Variants in NBAS observed in about 807,000 individuals in gnomAD.
The protein encoded by NBAS is NBAS subunit of NRZ tethering complex.
NBAS carries 219 observed loss-of-function variants against 302.5 expected under a neutral mutation model. That is an observed-to-expected ratio of 0.72 (90% confidence interval 0.65 to 0.81). NBAS has a LOEUF of 0.81. Among genes scored for constraint, NBAS ranks in the 30% least tolerant of loss-of-function variants. The pLI is 0.00. For missense variants in NBAS, 2,932 were observed against 2,841.6 expected (o/e 1.03, Z -0.72); for synonymous variants, 1,118 against 1,021.6 (o/e 1.09, Z -1.80).
downstream of NBAS, among the ~76,000 whole-genome samples, chr2:15,165,951 T>C (rs949539673): frequency 6.6e-6 from 1 of 152,198 alleles, no homozygotes; most frequent in African/African-American, 2.4e-5. Context: ...CACGCCTTAG[T>C]GTAGATGGAT....
At chr2:15,357,356 G>C (rs767790411) in intron 32 of NBAS, among the ~76,000 whole-genome samples, 2 of 152,180 alleles carry the variant, frequency 1.3e-5, no homozygotes, top group Non-Finnish European at 2.9e-5. Flanking sequence ...GAAGAGCCCT[G>C]AACTACTGTG....
chr2:15,317,917 G>A (rs937727982), intron 38 of NBAS, among the ~76,000 whole-genome samples: 11 of 152,052 alleles, frequency 7.2e-5, no homozygotes, highest in East Asian at 1.9e-4. Context: ...GAGATTCCTC[G>A]AGAAGAGCAA....
the NBAS span, among the ~76,000 whole-genome samples, chr2:14,829,248 A>G: frequency 6.6e-6 from 1 of 152,058 alleles, no homozygotes; most frequent in East Asian, 1.9e-4. Flanking sequence ...GTGCTTCATG[A>G]CTGCTTTGAA....
intron 23 of NBAS, among the ~76,000 whole-genome samples, chr2:15,423,473 TTTTA>T (rs1383991900): frequency 6.6e-6 from 1 of 152,200 alleles, no homozygotes; most frequent in African/African-American, 2.4e-5. Flanking sequence ...TAGAAATTCA[TTTTA>T]TTTATTTATT....
At chr2:14,803,391 T>C in the NBAS span, among the ~76,000 whole-genome samples, 1 of 152,206 alleles carries the variant, frequency 6.6e-6, no homozygotes. Context: ...TGTGCAGCTC[T>C]ATTTTCTGTG....
chr2:15,438,430 G>T (rs1350886020), intron 21 of NBAS, among the ~76,000 whole-genome samples: 1 of 152,164 alleles, frequency 6.6e-6, no homozygotes, highest in African/African-American at 2.4e-5. Flanking sequence ...CACTAAAAGA[G>T]AACTTCTGCT....
chr2:15,096,328 T>A, the NBAS span, among the ~76,000 whole-genome samples: 16 of 152,176 alleles, frequency 1.1e-4, no homozygotes, highest in Non-Finnish European at 1.6e-4. Flanking sequence ...GGTAATTAAT[T>A]GCTCTTCCTG....
chr2:15,274,054 T>C (rs1415478639), intron 44 of NBAS, among the ~76,000 whole-genome samples: 1 of 151,780 alleles, frequency 6.6e-6, no homozygotes, highest in African/African-American at 2.4e-5. Flanking sequence ...CACTCCAGCC[T>C]GGGGGACAGA....
the NBAS span, among the ~76,000 whole-genome samples, chr2:15,125,533 T>G: frequency 4.6e-5 from 7 of 152,132 alleles, no homozygotes; most frequent in Non-Finnish European, 1.0e-4. Context: ...AGACTGGGGA[T>G]TACAACTGAA....
At chr2:15,140,340 ACC>A in the NBAS span, among the ~76,000 whole-genome samples, 13 of 152,178 alleles carry the variant, frequency 8.5e-5, no homozygotes, top group African/African-American at 3.1e-4. Context: ...CAAATTCCTG[ACC>A]CACAGGGTCT....
At chr2:14,878,260 T>C in the NBAS span, among the ~76,000 whole-genome samples, 1 of 152,116 alleles carries the variant, frequency 6.6e-6, no homozygotes, top group East Asian at 1.9e-4. Context: ...AGAGCACACC[T>C]GAAGAGAGGA....
chr2:15,154,926 G>T, the NBAS span, among the ~76,000 whole-genome samples: 3 of 152,212 alleles, frequency 2.0e-5, no homozygotes, highest in East Asian at 5.8e-4. Flanking sequence ...GCTGGTGGAA[G>T]CCGGTGATTC....
the NBAS span, among the ~76,000 whole-genome samples, chr2:14,980,659 T>C: frequency 1.3e-5 from 2 of 149,694 alleles, no homozygotes; most frequent in African/African-American, 5.1e-5. Context: ...ACACTAAATG[T>C]GAATAGGCAG....
chr2:14,999,635 T>C, the NBAS span, among the ~76,000 whole-genome samples: 1 of 152,180 alleles, frequency 6.6e-6, no homozygotes, highest in Non-Finnish European at 1.5e-5. Flanking sequence ...ATAAGTTTCC[T>C]GAGGTCTCCC....
At chr2:15,031,361 C>T in the NBAS span, among the ~76,000 whole-genome samples, 2 of 152,204 alleles carry the variant, frequency 1.3e-5, no homozygotes, top group South Asian at 2.1e-4. Context: ...AACATGTCCA[C>T]AGTCCTGATC....
intron 50 of NBAS, among the ~76,000 whole-genome samples, chr2:15,184,137 C>A (rs370774214): frequency 2.0e-5 from 3 of 152,084 alleles, no homozygotes; most frequent in Admixed American, 2.0e-4. Context: ...GGAATGCTGA[C>A]GAGAATATTA....
chr2:15,397,726 C>A lies in NBAS; in HGVS notation c.3072-1251G>T, dbSNP rs937723498. The A allele has an allele frequency of 8.5e-5, 30 of 354,026 alleles. No individual in the cohort carries two copies. The Admixed American group carries it at 1.1e-3, about 13-fold the overall frequency. The allele number at this position is 354,026 out of a possible 1,614,324, so 21.9% of individuals were successfully genotyped here. On this transcript the variant is annotated intron_variant, in intron 26 of 51. Transcript: ENST00000281513. Reference sequence around the variant, plus strand: ...GGGCACAGTTCATGCAGTGAACAGGCTGCATGTGGCTGTGGCCCTTTTTGG... The same window carrying A: ...GGGCACAGTTCATGCAGTGAACAGGATGCATGTGGCTGTGGCCCTTTTTGG...
the NBAS span, among the ~76,000 whole-genome samples, chr2:15,052,987 A>G: frequency 6.6e-6 from 1 of 152,208 alleles, no homozygotes; most frequent in Non-Finnish European, 1.5e-5. Context: ...ACAAATTTGT[A>G]AGTGTTAAAA....
chr2:15,249,375 A>G (rs933818240), intron 44 of NBAS, among the ~76,000 whole-genome samples: 3 of 152,186 alleles, frequency 2.0e-5, no homozygotes, highest in Non-Finnish European at 2.9e-5. Context: ...ATGGGCAAAT[A>G]CTGGAAGCAT....
Sources: allele counts gnomAD v4.1 joint callset (sites outside exome capture counted in the v4.1 genomes callset), GRCh38; gene constraint gnomAD v4.1.1; transcripts MANE v1.5; gene names NCBI Gene and HGNC (gene_info 2026-07-23, HGNC 2026-07-21).